OSBPL1A: variants seen among roughly 807,000 people sequenced by gnomAD.
OSBPL1A encodes oxysterol-binding protein-related protein 1.
In OSBPL1A, 80 loss-of-function variants were observed where a neutral mutation model predicts 137.1. The observed-to-expected ratio is 0.58, with a 90% CI of 0.49 to 0.70. OSBPL1A has a LOEUF of 0.70. Ranked by LOEUF, OSBPL1A falls within the 30% of genes least tolerant of loss-of-function variation. The pLI is 0.00. For synonymous variants in OSBPL1A, 365 were observed against 389.7 expected (o/e 0.94, Z 0.75); for missense variants, 970 against 1,129.4 (o/e 0.86, Z 2.02).
At chr18:24,353,311 GA>G (rs1482837678) in intron 4 of OSBPL1A, among the ~76,000 whole-genome samples, 1 of 152,132 alleles carries the variant, frequency 6.6e-6, no homozygotes, top group Admixed American at 6.5e-5. Flanking sequence ...AAAAACACAT[GA>G]AAAAATGCTC....
At position 24,386,485 on chromosome 18, in the gene OSBPL1A, T is replaced by C. The variant is rs558647383; in HGVS notation, c.-2-8950A>G. ...TGCAGCCCAACCACACTCTAAAGAT[T>C]TTCTGACTATGAAACTTTAGACTTA... On this transcript the variant is annotated intron_variant, in intron 1 of 27. Transcript: ENST00000319481. Among the ~76,000 whole-genome samples, 53 of 152,292 alleles carry C rather than the reference T, an allele frequency of 3.5e-4. 2 individuals carry two copies. The South Asian group carries it at 0.011, about 32-fold the overall frequency.
chr18:24,214,470 G>A (rs1346502447), intron 17 of OSBPL1A, among the ~76,000 whole-genome samples: 3 of 152,120 alleles, frequency 2.0e-5, no homozygotes, highest in Non-Finnish European at 4.4e-5. Context: ...TTGTTGGTTG[G>A]GGAGGGGAAA....
At chr18:24,256,679 T>C (rs2089284579) in intron 15 of OSBPL1A, among the ~76,000 whole-genome samples, 1 of 152,124 alleles carries the variant, frequency 6.6e-6, no homozygotes, top group African/African-American at 2.4e-5. Flanking sequence ...AAATTATCCT[T>C]GTTTGCAGAT....
chr18:24,255,974 T>A (rs1040516525), intron 15 of OSBPL1A, among the ~76,000 whole-genome samples: 1 of 152,114 alleles, frequency 6.6e-6, no homozygotes, highest in Non-Finnish European at 1.5e-5. Context: ...TTTGTATTTT[T>A]AGTAGAGACG....
intron 17 of OSBPL1A, among the ~76,000 whole-genome samples, chr18:24,201,510 C>T (rs901850599): frequency 6.6e-6 from 1 of 152,192 alleles, no homozygotes; most frequent in Non-Finnish European, 1.5e-5. Context: ...TGCCTGTAAT[C>T]CCAGCACTTT....
intron 7 of OSBPL1A, among the ~76,000 whole-genome samples, chr18:24,331,153 T>C (rs2091070768): frequency 1.3e-5 from 2 of 152,174 alleles, no homozygotes; most frequent in Admixed American, 6.5e-5. Context: ...CCAGGTGTTA[T>C]GTGCTATGCA....
At chr18:24,229,269 A>T (rs1406459764) in intron 16 of OSBPL1A, among the ~76,000 whole-genome samples, 1 of 152,172 alleles carries the variant, frequency 6.6e-6, no homozygotes, top group African/African-American at 2.4e-5. Context: ...CTCCCGATAC[A>T]TGTCATGAGG....
At chr18:24,172,548 T>C in intron 21 of OSBPL1A, 65 bp from the exon 22 acceptor site, 4 of 1,131,094 alleles carry the variant, frequency 3.5e-6, no homozygotes, top group Non-Finnish European at 5.3e-6. Context: ...AAAGTACACT[T>C]GTTCCAAATG....
At chr18:24,397,113 C>T (rs929686702) in intron 1 of OSBPL1A, among the ~76,000 whole-genome samples, 2 of 152,174 alleles carry the variant, frequency 1.3e-5, no homozygotes, top group African/African-American at 4.8e-5. Flanking sequence ...ATCATTAGGG[C>T]AGCGGGATAA....
At chr18:24,211,492 GTAATA>G (rs1222246110) in intron 17 of OSBPL1A, among the ~76,000 whole-genome samples, 1 of 152,080 alleles carries the variant, frequency 6.6e-6, no homozygotes, top group Non-Finnish European at 1.5e-5. Context: ...CACATTTTTA[GTAATA>G]TAATGAAAAC....
At chr18:24,361,057 TCTCA>T (rs1380162242) in intron 4 of OSBPL1A, among the ~76,000 whole-genome samples, 1 of 152,198 alleles carries the variant, frequency 6.6e-6, no homozygotes, top group East Asian at 1.9e-4. Flanking sequence ...TGGCACAGAG[TCTCA>T]CTCAGCTGCC....
intron 14 of OSBPL1A, among the ~76,000 whole-genome samples, chr18:24,293,089 G>T (rs2090207879): frequency 9.5e-6 from 1 of 105,296 alleles, no homozygotes; most frequent in Non-Finnish European, 1.9e-5. Flanking sequence ...AGGCGACAGA[G>T]AGGGACTCCC....
intron 14 of OSBPL1A, among the ~76,000 whole-genome samples, chr18:24,294,356 T>A (rs947566641): frequency 1.3e-5 from 2 of 151,998 alleles, no homozygotes; most frequent in African/African-American, 2.4e-5. Context: ...CTCAGCCTCC[T>A]GAGTAGCGGG....
intron 23 of OSBPL1A, among the ~76,000 whole-genome samples, chr18:24,171,176 G>A (rs2086275846): frequency 6.6e-6 from 1 of 151,714 alleles, no homozygotes; most frequent in South Asian, 2.1e-4. Context: ...TGGGATTACA[G>A]GTGTCCACCA....
intron 2 of OSBPL1A, chr18:24,368,614 C>G: frequency 2.7e-6 from 1 of 366,648 alleles, no homozygotes; most frequent in East Asian, 4.3e-5. Context: ...GGAGACAGGA[C>G]GGGGGTTACA....
At chr18:24,293,368 A>T (rs2090223254) in intron 14 of OSBPL1A, among the ~76,000 whole-genome samples, 1 of 151,968 alleles carries the variant, frequency 6.6e-6, no homozygotes, top group South Asian at 2.1e-4. Flanking sequence ...CCGGCTGGAG[A>T]GAATGAAGGT....
chr18:24,259,207 TA>T (rs1239434421), intron 15 of OSBPL1A, among the ~76,000 whole-genome samples: 1 of 152,100 alleles, frequency 6.6e-6, no homozygotes, highest in Non-Finnish European at 1.5e-5. Context: ...ACGCCTGGCC[TA>T]AAATTACATC....
chr18:24,271,259 A>G lies in OSBPL1A; in HGVS notation c.1281+9583T>C, dbSNP rs77274231. 8.8e-3 allele frequency among the ~76,000 whole-genome samples: 1,338 copies of G among 152,308 alleles called. 21 individuals carry two copies. The highest frequency in any genetic ancestry group is 0.029 in the African/African-American group (1,207 of 41,560). ...CCATGCGAAAAATCACTAACTTGGA[A>G]GGTTATTTAGGACAATAATGTCTTT... On this transcript the variant is annotated intron_variant, in intron 15 of 27. Coordinates refer to ENST00000319481, the MANE Select transcript of OSBPL1A (RefSeq NM_080597.4). The surrounding 1 kb of genome is among the most constrained non-coding windows in gnomAD (Gnocchi z 4.0).
At chr18:24,363,341 C>CA (rs778716333) in intron 4 of OSBPL1A, among the ~76,000 whole-genome samples, 4 of 152,132 alleles carry the variant, frequency 2.6e-5, no homozygotes, top group Non-Finnish European at 4.4e-5. Context: ...CCTTGGCTCA[C>CA]AGCCCCCTTT....
Sources: allele counts gnomAD v4.1 joint callset (sites outside exome capture counted in the v4.1 genomes callset), GRCh38; gene constraint gnomAD v4.1.1; non-coding constraint Gnocchi (gnomAD v3.1); transcripts MANE v1.5; gene names NCBI Gene and HGNC (gene_info 2026-07-23, HGNC 2026-07-21).